The following CFAP92 variants were observed in gnomAD, a reference collection of about 807,000 sequenced individuals.
CFAP92 encodes the protein uncharacterized protein CFAP92.
Under a neutral mutation model 106.3 loss-of-function variants are expected in CFAP92, and 86 were observed. That is an observed-to-expected ratio of 0.81 (90% confidence interval 0.68 to 0.97). The LOEUF is 0.97. Ranked by LOEUF, CFAP92 falls within the 50% of genes least tolerant of loss-of-function variation. The probability of loss-of-function intolerance (pLI) is 0.00; values close to 1 mark genes in which losing one functional copy is unlikely to be tolerated. For missense variants in CFAP92, 1,204 were observed against 1,283.8 expected (o/e 0.94, Z 0.95); for synonymous variants, 477 against 506.4 (o/e 0.94, Z 0.78).
intron 12 of CFAP92, among the ~76,000 whole-genome samples, chr3:128,919,896 T>C (rs1937126343): frequency 6.6e-6 from 1 of 152,234 alleles, no homozygotes; most frequent in Non-Finnish European, 1.5e-5. Context: ...AGGGCAAGCC[T>C]GACTCTGATT....
At chr3:129,026,525 G>T in the CFAP92 span, among the ~76,000 whole-genome samples, 1 of 152,152 alleles carries the variant, frequency 6.6e-6, no homozygotes, top group African/African-American at 2.4e-5. Context: ...TTCTTCATCA[G>T]CAGTTCCTGC....
intron 12 of CFAP92, among the ~76,000 whole-genome samples, chr3:128,919,577 A>AGAAT (rs1559849691): frequency 2.0e-5 from 3 of 152,232 alleles, no homozygotes; most frequent in Non-Finnish European, 4.4e-5. Flanking sequence ...CTGGAGAACA[A>AGAAT]CCAAGGCAAC....
At chr3:129,011,212 T>C in the CFAP92 span, among the ~76,000 whole-genome samples, 1 of 152,176 alleles carries the variant, frequency 6.6e-6, no homozygotes, top group African/African-American at 2.4e-5. Context: ...TTCAACTTGC[T>C]GTTGTGTTGA....
chr3:128,915,210 G>C lies in CFAP92; in HGVS notation c.3189C>G (p.Ser1063Arg). 1 of 1,536,146 alleles carries C rather than the reference G, an allele frequency of 6.5e-7. No individual in the cohort carries two copies. Among genetic ancestry groups the C allele is most frequent in the Non-Finnish European group, 8.7e-7 (1 of 1,146,914 alleles). ...LEPVLDRDRW[S>R]WDRHHVDFDL... ...CAAAGTCCACGTGGTGCCTGTCCCA[G>C]CTCCACCTGTCTCGATCCAACACAG... The change falls in exon 15 of 16, where the codon AGC (serine) becomes AGG (arginine). Residue 1063 changes from serine to arginine, a missense_variant. Coordinates refer to ENST00000645291, the MANE Select transcript of CFAP92 (RefSeq NM_001394090.1).
chr3:128,933,057 A>G, intron 11 of CFAP92, 60 bp from the exon 12 acceptor site: 1 of 1,435,372 alleles, frequency 7.0e-7, no homozygotes, highest in Non-Finnish European at 9.5e-7. Context: ...AGGTGTAATC[A>G]CTCCCATCCT....
chr3:129,006,814 G>A (rs1055692334), upstream of CFAP92, among the ~76,000 whole-genome samples: 1 of 152,134 alleles, frequency 6.6e-6, no homozygotes, highest in Non-Finnish European at 1.5e-5. Flanking sequence ...CTTGCCCGGG[G>A]GGCTGACCTC....
At chr3:128,913,918 C>A (rs953735051) in intron 15 of CFAP92, among the ~76,000 whole-genome samples, 2 of 152,174 alleles carry the variant, frequency 1.3e-5, no homozygotes, top group South Asian at 2.1e-4. Context: ...GACCCACCCC[C>A]CTTCTGTGCA....
rs530217617 is a variant in CFAP92 at position 128,912,948 on chromosome 3, C to T, written c.3280+2171G>A. 9.8e-4 allele frequency: 496 copies of T among 506,574 alleles called. 1 individual carries two copies. The highest frequency in any genetic ancestry group is 1.2e-3 in the Non-Finnish European group (306 of 259,372). 31.4% of individuals were successfully genotyped at this position (506,574 alleles called of 1,614,324 possible). ...CTCCAGGGTGTGAGGTGGGTGGGGA[C>T]CTGTGTCAGGTGTGGATAGCCATTT... On this transcript the variant is annotated intron_variant, in intron 15 of 15. Transcript: ENST00000645291.
chr3:129,012,944 C>A, the CFAP92 span, among the ~76,000 whole-genome samples: 49 of 152,246 alleles, frequency 3.2e-4, no homozygotes, highest in African/African-American at 1.1e-3. Flanking sequence ...GGATGGTTTT[C>A]TTTATTTAAG....
intron 7 of CFAP92, among the ~76,000 whole-genome samples, chr3:128,972,369 GT>G (rs1480173657): frequency 6.6e-6 from 1 of 151,824 alleles, no homozygotes; most frequent in Non-Finnish European, 1.5e-5. Context: ...AGACTCCTGA[GT>G]AGCTGGGACC....
chr3:129,024,974 T>C, the CFAP92 span, among the ~76,000 whole-genome samples: 1 of 152,030 alleles, frequency 6.6e-6, no homozygotes, highest in African/African-American at 2.4e-5. Flanking sequence ...ACTCTTTGGG[T>C]GGTCAAGTGG....
chr3:129,017,109 C>T, the CFAP92 span, among the ~76,000 whole-genome samples: 4 of 152,218 alleles, frequency 2.6e-5, no homozygotes, highest in African/African-American at 9.7e-5. Context: ...GCCATATCCA[C>T]GGGTCCTCCT....
chr3:128,947,355 C>G (rs1406965364), intron 9 of CFAP92, among the ~76,000 whole-genome samples: 1 of 152,182 alleles, frequency 6.6e-6, no homozygotes. Context: ...TAATGCAATT[C>G]CAATCAAAAT....
At chr3:128,978,368 C>T in intron 4 of CFAP92, 183 bp from the exon 5 acceptor site, 1 of 577,448 alleles carries the variant, frequency 1.7e-6, no homozygotes, top group Non-Finnish European at 2.9e-6. Flanking sequence ...TTATATCATA[C>T]TGTAGTCTAT....
At chr3:128,971,511 C>T (rs571220509) in intron 7 of CFAP92, 78 bp from the exon 8 acceptor site, 2 of 1,208,732 alleles carry the variant, frequency 1.7e-6, no homozygotes, top group East Asian at 2.5e-5. Flanking sequence ...GAACATGCTA[C>T]AGAGATTCAG....
intron 2 of CFAP92, among the ~76,000 whole-genome samples, chr3:128,992,285 G>C (rs1305521529): frequency 6.6e-6 from 1 of 152,116 alleles, no homozygotes; most frequent in Non-Finnish European, 1.5e-5. Flanking sequence ...TTTTTGGCCG[G>C]GTGCGGTGGC....
chr3:129,023,125 T>A, the CFAP92 span, among the ~76,000 whole-genome samples: 1 of 152,228 alleles, frequency 6.6e-6, no homozygotes, highest in Non-Finnish European at 1.5e-5. Flanking sequence ...ACAGAGTTTA[T>A]CTGAGTAAAG....
the CFAP92 span, among the ~76,000 whole-genome samples, chr3:129,026,205 C>G: frequency 6.6e-6 from 1 of 152,224 alleles, no homozygotes; most frequent in East Asian, 1.9e-4. Flanking sequence ...CTGGAGCAGG[C>G]TTTCTAAGAC....
chr3:128,968,249 C>T (rs1441280449), intron 8 of CFAP92: 1 of 152,166 alleles, frequency 6.6e-6, no homozygotes. Context: ...GGCCCCTCCG[C>T]TATGCAATAC....
Sources: allele counts gnomAD v4.1 joint callset (sites outside exome capture counted in the v4.1 genomes callset), GRCh38; gene constraint gnomAD v4.1.1; transcripts MANE v1.5; gene names NCBI Gene and HGNC (gene_info 2026-07-23, HGNC 2026-07-21).